Variants in GGCX observed in about 807,000 individuals in gnomAD.
The protein encoded by GGCX is gamma-glutamyl carboxylase, also known as vitamin K-dependent gamma-carboxylase.
In GGCX, 63 loss-of-function variants were observed where a neutral mutation model predicts 88.5. The ratio of observed to expected loss-of-function variants is 0.71; its 90% CI spans 0.58 to 0.88. The LOEUF (loss-of-function observed/expected upper bound fraction) is 0.88. Ranked by LOEUF, GGCX falls within the 40% of genes least tolerant of loss-of-function variation. The pLI is 0.00. For synonymous variants in GGCX, 368 were observed against 365.8 expected (o/e 1.01, Z -0.07); for missense variants, 805 against 932.9 (o/e 0.86, Z 1.79).
In GGCX at chr2:85,549,965, G is replaced by C; in HGVS notation, c.2246C>G (p.Ser749Ter). ...CTCTGAGTGGACAGGATCAGGATTT[G>C]ACTCAGGAGGATTAGAATGTGAAGA... ...TDSSHSNPPE[S>*]NPDPVHSEF The change falls in exon 15 of 15, where the codon TCA becomes TGA. Residue 749 changes from serine (S) to a stop codon, truncating the protein, a stop_gained. Coordinates refer to ENST00000233838, the MANE Select transcript of GGCX (RefSeq NM_000821.7). LOFTEE classifies it high-confidence loss of function. 1 of 1,613,534 alleles carries C rather than the reference G, an allele frequency of 6.2e-7. No individual in the cohort carries two copies. Among genetic ancestry groups the C allele is most frequent in the Non-Finnish European group, 8.5e-7 (1 of 1,179,578 alleles).
rs552130277 is a variant in GGCX at position 85,547,418 on chromosome 2, T to G, written c.*2516A>C. On this transcript the variant is annotated 3_prime_UTR_variant, in exon 15 of 15. Coordinates refer to ENST00000233838, the MANE Select transcript of GGCX (RefSeq NM_000821.7). Reference sequence around the variant, plus strand: ...TATTACCAGTATTTACATGACCACTTTTTCTTTACACCTCACCCTACCCCA... The same window carrying G: ...TATTACCAGTATTTACATGACCACTGTTTCTTTACACCTCACCCTACCCCA... 2.6e-4 allele frequency: 39 copies of G among 152,274 alleles called. No individual in the cohort carries two copies. The highest frequency in any genetic ancestry group is 9.4e-4 in the African/African-American group (39 of 41,552). The allele number at this position is 152,274 out of a possible 1,614,324, so 9.4% of individuals were successfully genotyped here.
chr2:85,550,112 C>A lies in GGCX; in HGVS notation c.2099G>T (p.Cys700Phe), dbSNP rs747366537. The change falls in exon 15 of 15, where the codon TGT becomes TTT. Residue 700 changes from cysteine to phenylalanine, a missense_variant. By Grantham distance (205) the Cys-to-Phe change is radical (BLOSUM62 -2). This residue lies in a region of GGCX where 680 missense variants were observed against 763.7 expected (regional missense o/e 0.89). Coordinates refer to ENST00000233838, the MANE Select transcript of GGCX (RefSeq NM_000821.7). ...TAATATCAGATTTCGAAGTGAGATA[C>A]AAGTCATCAGGAAGCTGAAAAACAG... ...YVFRRSFLMT[C>F]ISLRNLILGR... 17 of 1,613,276 alleles carry A rather than the reference C, an allele frequency of 1.1e-5. No individual in the cohort carries two copies. The highest frequency in any genetic ancestry group is 1.4e-5 in the Non-Finnish European group (16 of 1,179,364).
intron 1 of GGCX, 77 bp from the exon 2 acceptor site, chr2:85,561,062 G>C (rs1692428045): frequency 7.9e-7 from 1 of 1,258,780 alleles, no homozygotes; most frequent in Non-Finnish European, 1.2e-6. Context: ...TGCACCAACA[G>C]CTCAGAGCTT....
intron 6 of GGCX, 173 bp downstream of exon 6, chr2:85,555,311 G>C: frequency 1.7e-6 from 1 of 593,670 alleles, no homozygotes; most frequent in Non-Finnish European, 3.1e-6. Flanking sequence ...AGCAGCTAGG[G>C]CTCAATCTTT....
intron 2 of GGCX, among the ~76,000 whole-genome samples, chr2:85,560,279 G>A (rs1289676661): frequency 1.3e-5 from 2 of 151,956 alleles, no homozygotes; most frequent in East Asian, 1.9e-4. Flanking sequence ...CTGCTGCCTC[G>A]CCTCTACATA....
chr2:85,551,085 A>T lies in GGCX; in HGVS notation c.1741-13T>A. On this transcript the variant is annotated splice_polypyrimidine_tract_variant and intron_variant, in intron 12 of 14. Transcript: ENST00000233838. ...CACCAGCAGGCAACTGACAAGGGAGAAGAAATGGATAAATTTCATCAGCTT... is the reference window on the plus strand; with the variant it reads ...CACCAGCAGGCAACTGACAAGGGAGTAGAAATGGATAAATTTCATCAGCTT... 6.2e-7 allele frequency: 1 copy of T among 1,612,830 alleles called. No individual in the cohort carries two copies. Among genetic ancestry groups the T allele is most frequent in the Non-Finnish European group, 8.5e-7 (1 of 1,178,938 alleles).
chr2:85,549,826 C>CCAAA lies in GGCX; in HGVS notation c.*107_*108insTTTG. On this transcript the variant is annotated 3_prime_UTR_variant, in exon 15 of 15. Coordinates refer to ENST00000233838, the MANE Select transcript of GGCX (RefSeq NM_000821.7). ...AAACAGCTTTAGAACCCCGCCCCCC[C>CCAAA]AAAAAAAAAAAAAAAACTTTTGAGA... 3 of 474,158 alleles carry CCAAA rather than the reference C, an allele frequency of 6.3e-6. No homozygotes were observed. Among genetic ancestry groups the CCAAA allele is most frequent in the Non-Finnish European group, 1.1e-5 (3 of 261,360 alleles). The allele number at this position is 474,158 out of a possible 1,614,324, so 29.4% of individuals were successfully genotyped here.
At position 85,547,061 on chromosome 2, in the gene GGCX, G is replaced by A. The variant is rs1691703767; in HGVS notation, c.*2873C>T. ...ATAGTGTTGTCCTGCCCAGCCTAGG[G>A]GAAAAGTATCCTGAAGGTTAATAAG... On this transcript the variant is annotated 3_prime_UTR_variant, in exon 15 of 15. Transcript: ENST00000233838. The A allele has an allele frequency of 1.3e-5, 2 of 152,316 alleles. No homozygotes were observed. The highest frequency in any genetic ancestry group is 2.9e-5 in the Non-Finnish European group (2 of 68,046). 9.4% of individuals were successfully genotyped at this position (152,316 alleles called of 1,614,324 possible). A position where few individuals can be genotyped will look rare whatever the true frequency, so the allele number is the denominator to read the frequency against.
rs770361575 is a variant in GGCX, at chr2:85,551,971, G to A, written c.1450C>T (p.Pro484Ser). 5.6e-6 allele frequency: 9 copies of A among 1,613,614 alleles called. No homozygotes were observed. The South Asian group carries it at 8.8e-5, about 16-fold the overall frequency. The change falls in exon 11 of 15, where the codon CCT becomes TCT. Residue 484 changes from proline (P) to serine (S), a missense_variant. This residue lies in a region of GGCX where 680 missense variants were observed against 763.7 expected (regional missense o/e 0.89). Coordinates refer to ENST00000233838, the MANE Select transcript of GGCX (RefSeq NM_000821.7). ...NDRFQQRIFD[P>S]RVDIVQAAWS... ...GCGGCCTGCACGATGTCCACACGAG[G>A]GTCAAAAATCCTTAGGAAAGAAAAC...
chr2:85,551,674 C>A (rs566828705), intron 11 of GGCX, 64 bp from the exon 12 acceptor site: 1 of 1,598,462 alleles, frequency 6.3e-7, no homozygotes, highest in Admixed American at 1.7e-5. Context: ...CCAGCCAGAA[C>A]AGAGACATCA....
chr2:85,554,376 A>G, intron 6 of GGCX, 70 bp from the exon 7 acceptor site: 1 of 1,435,380 alleles, frequency 7.0e-7, no homozygotes, highest in Middle Eastern at 2.3e-4. Flanking sequence ...TCACAGCACG[A>G]ATGTGCCTTG....
intron 6 of GGCX, 139 bp downstream of exon 6, chr2:85,555,345 C>G: frequency 1.5e-6 from 1 of 654,100 alleles, no homozygotes; most frequent in African/African-American, 1.8e-5. Context: ...TCTGCTTCTG[C>G]TGAATAGGGA....
chr2:85,552,372 G>A, intron 10 of GGCX, 44 bp downstream of exon 10: 1 of 1,585,494 alleles, frequency 6.3e-7, no homozygotes, highest in East Asian at 2.2e-5. Context: ...TTGGTAAAAA[G>A]AACTGTGCTT....
rs772441485 is a variant in GGCX, at chr2:85,549,985, T to C, written c.2226A>G (p.Ser742=). ...GATTTGACTCAGGAGGATTAGAATG[T>C]GAAGAATCCGTGTTTGAGGGATTCA... ...GELNPSNTDS[S]HSNPPESNPD... Residue 742 remains serine (S), a synonymous_variant, in exon 15 of 15, where the codon TCA becomes TCG. Coordinates refer to ENST00000233838, the MANE Select transcript of GGCX (RefSeq NM_000821.7). 4 of 1,613,796 alleles carry C rather than the reference T, an allele frequency of 2.5e-6. No individual in the cohort carries two copies. The highest frequency in any genetic ancestry group is 3.4e-6 in the Non-Finnish European group (4 of 1,179,720).
chr2:85,553,206 C>T (rs1426042799), intron 8 of GGCX, 26 bp downstream of exon 8: 2 of 1,613,730 alleles, frequency 1.2e-6, no homozygotes, highest in East Asian at 4.5e-5. Flanking sequence ...CCAGCCTTTG[C>T]TGTACACTCC....
At position 85,545,372 on chromosome 2, in the gene GGCX, C is replaced by T. The variant is rs113066451; in HGVS notation, c.*4562G>A. ...TTGAAAGGCTGAGGTAGGAGGATCA[C>T]TTTAACATAGAAGTTGGAGGCTGTA... is the stretch of plus-strand genomic sequence containing the variant. On this transcript the variant is annotated 3_prime_UTR_variant, in exon 15 of 15. Coordinates refer to ENST00000233838, the MANE Select transcript of GGCX (RefSeq NM_000821.7). 9.3e-4 allele frequency: 142 copies of T among 152,700 alleles called. No homozygotes were observed. The highest frequency in any genetic ancestry group is 3.2e-3 in the African/African-American group (133 of 41,550). 9.5% of individuals were successfully genotyped at this position (152,700 alleles called of 1,614,324 possible).
chr2:85,557,096 A>G (rs1349578996), intron 4 of GGCX, among the ~76,000 whole-genome samples: 1 of 152,210 alleles, frequency 6.6e-6, no homozygotes, highest in Non-Finnish European at 1.5e-5. Flanking sequence ...GCACCACTGC[A>G]TTCTGGCCTC....
chr2:85,550,743 C>T lies in GGCX; in HGVS notation c.1896G>A (p.Gly632=), dbSNP rs747656458. ...GAGGCTGCAGCTCTGGGGGTAGAGG[C>T]CCTGTTTCTGCCCGGAAGACAGAAA... ...KEKVENGSET[G]PLPPELQPLL... is the part of the protein sequence containing the mutation. Residue 632 remains glycine (G), a synonymous_variant, in exon 14 of 15, where the codon GGG becomes GGA. Coordinates refer to ENST00000233838, the MANE Select transcript of GGCX (RefSeq NM_000821.7). The T allele has an allele frequency of 1.2e-6, 2 of 1,613,786 alleles. No individual in the cohort carries two copies. The highest frequency in any genetic ancestry group is 4.5e-5 in the East Asian group (2 of 44,882).
chr2:85,551,354 C>T, intron 12 of GGCX, 126 bp downstream of exon 12: 4 of 939,346 alleles, frequency 4.3e-6, no homozygotes, highest in Non-Finnish European at 7.0e-6. Context: ...GAGATGGGGT[C>T]TCACTCTGTT....
Sources: allele counts gnomAD v4.1 joint callset (sites outside exome capture counted in the v4.1 genomes callset), GRCh38; gene constraint gnomAD v4.1.1; regional missense constraint gnomAD v4.1.1; transcripts MANE v1.5; gene names NCBI Gene and HGNC (gene_info 2026-07-23, HGNC 2026-07-21).